The following RIPK1 variants were observed in gnomAD, a reference collection of about 807,000 sequenced individuals.
RIPK1 encodes the protein receptor interacting serine/threonine kinase 1.
A neutral mutation model predicts 62.4 loss-of-function variants in RIPK1; 27 were observed. The ratio of observed to expected loss-of-function variants is 0.43; its 90% CI spans 0.32 to 0.60. The LOEUF is 0.60. RIPK1 is among the 20% of genes least tolerant of loss of function. The probability of loss-of-function intolerance (pLI) is 0.07; values close to 1 mark genes in which losing one functional copy is unlikely to be tolerated. For synonymous variants in RIPK1, 287 were observed against 303.2 expected, an observed-to-expected ratio of 0.95 and a Z score of 0.55; for missense variants, 735 against 831.0, an observed-to-expected ratio of 0.88 and a Z score of 1.42.
intron 7 of RIPK1, among the ~76,000 whole-genome samples, chr6:3,101,438 G>A (rs919630792): frequency 6.6e-6 from 1 of 152,210 alleles, no homozygotes; most frequent in Non-Finnish European, 1.5e-5. Context: ...CTGGGCGACA[G>A]AGGCAGATTT....
Position 3,105,493 on chromosome 6 carries a change from C to A in RIPK1, c.1018C>A (p.Pro340Thr). 6.5e-7 allele frequency: 1 copy of A among 1,547,812 alleles called. No homozygotes were observed. The highest frequency in any genetic ancestry group is 8.7e-7 in the Non-Finnish European group (1 of 1,152,508). The part of the protein sequence containing the change: ...SSRSNSATEQ[P>T]GSLHSSQGLG... ...TCATTTCTTCTCAGCCACAGAACAG[C>A]CTGGTTCACTGCACAGTTCCCAGGG... is the stretch of plus-strand genomic sequence containing the variant. The change falls in exon 9 of 11, where the codon CCT becomes ACT. Residue 340 changes from proline (P) to threonine (T), a missense_variant. Pro to Thr is a conservative substitution (Grantham distance 38). Around this residue, in one of 2 missense-constraint regions of RIPK1, gnomAD observed 671 missense variants for 726.2 expected, o/e 0.92. Transcript: ENST00000259808. This position sits in a 1 kb window ranked among gnomAD's most constrained non-coding sequence, Gnocchi z 4.5.
At position 3,104,264 on chromosome 6, in the gene RIPK1, C is replaced by T; in HGVS notation, c.955C>T (p.Gln319Ter). The change falls in exon 8 of 11, where the codon CAG (glutamine) becomes TAG (stop). Residue 319 changes from glutamine (Q) to a stop codon, truncating the protein, a stop_gained. Coordinates refer to ENST00000259808, the MANE Select transcript of RIPK1 (RefSeq NM_001354930.2). LOFTEE classifies it high-confidence loss of function. ...SNENAVVKRM[Q>*]SLQLDCVAVP... ...CGAAAATGCAGTTGTGAAGAGAATGCAGTCTCTTCAACTTGATTGTGTGGC... is the reference window on the plus strand; with the variant it reads ...CGAAAATGCAGTTGTGAAGAGAATGTAGTCTCTTCAACTTGATTGTGTGGC... 6.2e-7 allele frequency: 1 copy of T among 1,603,424 alleles called. No homozygotes were observed. Among genetic ancestry groups the T allele is most frequent in the Non-Finnish European group, 8.5e-7 (1 of 1,170,964 alleles).
intron 7 of RIPK1, among the ~76,000 whole-genome samples, chr6:3,098,387 G>A (rs2113670435): frequency 6.6e-6 from 1 of 152,342 alleles, no homozygotes; most frequent in South Asian, 2.1e-4. Context: ...AACTTTACTG[G>A]TAATTAGAGA....
At chr6:3,097,888 T>A (rs1760396022) in intron 7 of RIPK1, among the ~76,000 whole-genome samples, 1 of 152,122 alleles carries the variant, frequency 6.6e-6, no homozygotes, top group South Asian at 2.1e-4. Context: ...CTTTTATTCA[T>A]CAAAATAAAC....
chr6:3,080,536 A>T (rs746112661), intron 3 of RIPK1, among the ~76,000 whole-genome samples: 1 of 152,200 alleles, frequency 6.6e-6, no homozygotes, highest in Non-Finnish European at 1.5e-5. Context: ...TTTACACGCG[A>T]CATTTGCATG....
intron 2 of RIPK1, 137 bp downstream of exon 2, chr6:3,077,124 G>T: frequency 1.4e-6 from 1 of 722,780 alleles, no homozygotes; most frequent in South Asian, 2.3e-5. Flanking sequence ...GGTGACGATG[G>T]CTCTTCGGAT....
intron 10 of RIPK1, 148 bp downstream of exon 10, chr6:3,111,103 A>ATAATTCCTT: frequency 1.9e-6 from 1 of 518,112 alleles, no homozygotes; most frequent in Non-Finnish European, 3.3e-6. Flanking sequence ...TAATTTCCAT[A>ATAATTCCTT]TAATTCCTTT....
At chr6:3,084,591 C>CTTTT (rs55789041) in intron 5 of RIPK1, among the ~76,000 whole-genome samples, 1 of 134,658 alleles carries the variant, frequency 7.4e-6, no homozygotes, top group African/African-American at 2.8e-5. Flanking sequence ...CTTGTACATC[C>CTTTT]TTTTTTTTTT....
chr6:3,110,083 G>A (rs56829128), intron 9 of RIPK1, among the ~76,000 whole-genome samples: 3,515 of 152,272 alleles, frequency 0.023, 81 homozygotes, highest in East Asian at 0.071. Context: ...TAATGCTGCA[G>A]TGAACACGTG....
At chr6:3,067,312 A>C (rs948694205), upstream of RIPK1, among the ~76,000 whole-genome samples, 1 of 152,150 alleles carries the variant, frequency 6.6e-6, no homozygotes, top group African/African-American at 2.4e-5. Context: ...CTTGGTTAAG[A>C]AATTGCCAAA....
chr6:3,077,980 T>C (rs1759183050), intron 3 of RIPK1, 45 bp downstream of exon 3: 1 of 1,600,968 alleles, frequency 6.2e-7, no homozygotes, highest in Non-Finnish European at 8.5e-7. Context: ...GCTTGGGCCC[T>C]GGCTGTCTGT....
chr6:3,076,697 A>AACAT (rs70998372), intron 1 of RIPK1, 67 bp from the exon 2 acceptor site: 1 of 237,206 alleles, frequency 4.2e-6, no homozygotes, highest in East Asian at 1.8e-4. Context: ...GAAAAAAAAA[A>AACAT]ACATATATAT....
intron 8 of RIPK1, among the ~76,000 whole-genome samples, chr6:3,104,946 G>A (rs2113691605): frequency 6.6e-6 from 1 of 152,198 alleles, no homozygotes; most frequent in East Asian, 1.9e-4. Flanking sequence ...CCGCCTTTCA[G>A]GTTCAAGCGA....
At chr6:3,066,549 A>G (rs1445863436), upstream of RIPK1, among the ~76,000 whole-genome samples, 1 of 152,116 alleles carries the variant, frequency 6.6e-6, no homozygotes, top group Non-Finnish European at 1.5e-5. Context: ...CTTTTAAAAA[A>G]TAATGAATAG....
upstream of RIPK1, among the ~76,000 whole-genome samples, chr6:3,067,113 C>G (rs1265922065): frequency 2.2e-5 from 2 of 91,148 alleles, no homozygotes; most frequent in East Asian, 3.4e-4. Context: ...ACTTAATATT[C>G]CATTGTATAG....
chr6:3,064,392 G>A (rs146453896), upstream of RIPK1, among the ~76,000 whole-genome samples: 1 of 152,220 alleles, frequency 6.6e-6, no homozygotes, highest in Non-Finnish European at 1.5e-5. Context: ...TCTGGGATCC[G>A]CAGGATGACG....
intron 7 of RIPK1, among the ~76,000 whole-genome samples, chr6:3,100,051 A>G (rs182105913): frequency 6.6e-6 from 1 of 152,334 alleles, no homozygotes; most frequent in Non-Finnish European, 1.5e-5. Context: ...ATATAGAAAG[A>G]TCTTCAAGAT....
rs186932816 is a variant in RIPK1 at position 3,076,120 on chromosome 6, C to T, written c.-60-644C>T. On this transcript the variant is annotated intron_variant, in intron 1 of 10. Transcript: ENST00000259808. ...GTCCCTAGAGTTCTTTTCCTTTCCA[C>T]GGAGTTTTGGTATGCATTTCAATGA... is the stretch of plus-strand genomic sequence containing the variant. Among the ~76,000 whole-genome samples, 1,045 of 152,184 alleles carry T rather than the reference C, an allele frequency of 6.9e-3. 45 individuals carry two copies. Among genetic ancestry groups the T allele is most frequent in the Admixed American group, 0.064 (984 of 15,274 alleles).
chr6:3,072,438 G>A lies in RIPK1; in HGVS notation c.-61+3777G>A, dbSNP rs1197977332. Reference sequence around the variant, plus strand: ...CACAAATGTGAATATAATTTTTACAGATTTATTCGTCAAAAACAATTTTGA... The same window carrying A: ...CACAAATGTGAATATAATTTTTACAAATTTATTCGTCAAAAACAATTTTGA... On this transcript the variant is annotated intron_variant, in intron 1 of 10. Transcript: ENST00000259808. The surrounding 1 kb of genome is among the most constrained non-coding windows in gnomAD (Gnocchi z 5.6). Among the ~76,000 whole-genome samples, 1 of 151,884 alleles carries A rather than the reference G, an allele frequency of 6.6e-6. No homozygotes were observed. Among genetic ancestry groups the A allele is most frequent in the Non-Finnish European group, 1.5e-5 (1 of 67,990 alleles).
Sources: gnomAD v4.1 joint callset for allele counts (sites outside exome capture counted in the v4.1 genomes callset) on GRCh38, gnomAD v4.1.1 for gene constraint, gnomAD v4.1.1 regional missense constraint, Gnocchi (gnomAD v3.1) non-coding constraint, MANE v1.5 for transcripts, NCBI Gene and HGNC (gene_info 2026-07-23, HGNC 2026-07-21) for gene names.